Variants in SPTB observed in about 807,000 individuals in gnomAD.
SPTB encodes spectrin beta, erythrocytic.
A neutral mutation model predicts 256.2 loss-of-function variants in SPTB; 45 were observed. The ratio of observed to expected loss-of-function variants is 0.18; its 90% CI spans 0.14 to 0.23. The LOEUF (loss-of-function observed/expected upper bound fraction) is 0.23, where lower values mean the gene tolerates loss of function less well. Ranked by LOEUF, SPTB falls within the 10% of genes least tolerant of loss-of-function variation. The pLI, the probability that SPTB is intolerant of heterozygous loss-of-function variation, is 1.00. For missense variants in SPTB, 2,715 were observed against 3,040.4 expected (o/e 0.89, Z 2.52); for synonymous variants, 1,231 against 1,243.1 (o/e 0.99, Z 0.21).
intron 28 of SPTB, 67 bp from the exon 29 acceptor site, chr14:64,769,185 A>T: frequency 7.0e-7 from 1 of 1,433,152 alleles, no homozygotes; most frequent in Non-Finnish European, 9.8e-7. Flanking sequence ...CAGTGCGCAG[A>T]TGGGTCCTGC....
chr14:64,860,290 AG>A (rs943214992), intron 1 of SPTB, among the ~76,000 whole-genome samples: 57 of 152,348 alleles, frequency 3.7e-4, no homozygotes, highest in African/African-American at 1.3e-3. Context: ...TCATTGAATG[AG>A]CCCTTTTGTT....
Position 64,843,819 on chromosome 14 carries a change from T to C in SPTB, c.-51-20674A>G, listed in dbSNP as rs7155826. ...ACCGCCTGCTCTAAGCATTAGCCCA[T>C]GTGCCTTGCCCTGAACCATTCTGTG... On this transcript the variant is annotated intron_variant, in intron 1 of 35. Coordinates refer to ENST00000644917, the MANE Select transcript of SPTB (RefSeq NM_001355436.2). 6.3e-3 allele frequency among the ~76,000 whole-genome samples: 953 copies of C among 152,294 alleles called. 5 individuals carry two copies. The highest frequency in any genetic ancestry group is 0.048 in the Middle Eastern group (14 of 294).
At position 64,793,900 on chromosome 14, in the gene SPTB, G is replaced by C; in HGVS notation, c.1796-33C>G. 2 of 1,579,172 alleles carry C rather than the reference G, an allele frequency of 1.3e-6. No homozygotes were observed. Among genetic ancestry groups the C allele is most frequent in the Admixed American group, 1.7e-5 (1 of 58,106 alleles). On this transcript the variant is annotated intron_variant, in intron 13 of 35. Coordinates refer to ENST00000644917, the MANE Select transcript of SPTB (RefSeq NM_001355436.2). The surrounding 1 kb of genome is among the most constrained non-coding windows in gnomAD (Gnocchi z 7.0). Reference sequence around the variant, plus strand: ...AAATAGGGGGAAGGAGGACAAAGTGGGGGATGGGCTTCATTTATGGGCACG... The same window carrying C: ...AAATAGGGGGAAGGAGGACAAAGTGCGGGATGGGCTTCATTTATGGGCACG...
At chr14:64,766,550 C>T in intron 32 of SPTB, 176 bp downstream of exon 32, 1 of 1,544,294 alleles carries the variant, frequency 6.5e-7, no homozygotes, top group East Asian at 2.3e-5. Context: ...TCATGAAGAA[C>T]ACCTCAGTGA....
chr14:64,785,472 T>C lies in SPTB; in HGVS notation c.3855+65A>G, dbSNP rs1333999186. Reference sequence around the variant, plus strand: ...AAAGGATCCCTGTGGACTTCCTGCCTTGAGGGAACTCTGCTTCTAGAAAGG... The same window carrying C: ...AAAGGATCCCTGTGGACTTCCTGCCCTGAGGGAACTCTGCTTCTAGAAAGG... On this transcript the variant is annotated intron_variant, in intron 18 of 35. Coordinates refer to ENST00000644917, the MANE Select transcript of SPTB (RefSeq NM_001355436.2). This position sits in a 1 kb window ranked among gnomAD's most constrained non-coding sequence, Gnocchi z 4.4. The C allele has an allele frequency of 6.9e-7, 1 of 1,455,068 alleles. No individual in the cohort carries two copies. The highest frequency in any genetic ancestry group is 9.5e-7 in the Non-Finnish European group (1 of 1,055,804). 90.1% of individuals were successfully genotyped at this position (1,455,068 alleles called of 1,614,324 possible). A position where few individuals can be genotyped will look rare whatever the true frequency, so the allele number is the denominator to read the frequency against.
chr14:64,794,690 C>A (rs2082735655), intron 12 of SPTB, 73 bp from the exon 13 acceptor site: 7 of 1,586,918 alleles, frequency 4.4e-6, no homozygotes, highest in Non-Finnish European at 4.3e-6. Flanking sequence ...GAGACCCCTG[C>A]AAAGGGCATG....
At chr14:64,832,797 A>G (rs913350715) in intron 1 of SPTB, among the ~76,000 whole-genome samples, 3 of 151,428 alleles carry the variant, frequency 2.0e-5, no homozygotes, top group African/African-American at 7.3e-5. Flanking sequence ...TATCTCTCCA[A>G]TCTCTGTTCT....
In SPTB at chr14:64,775,853, C is replaced by T. The variant is rs1271653478; in HGVS notation, c.4564-450G>A. Among the ~76,000 whole-genome samples, 1 of 152,208 alleles carries T rather than the reference C, an allele frequency of 6.6e-6. No individual in the cohort carries two copies. The highest frequency in any genetic ancestry group is 1.5e-5 in the Non-Finnish European group (1 of 68,030). On this transcript the variant is annotated intron_variant, in intron 22 of 35. Transcript: ENST00000644917. This position sits in a 1 kb window ranked among gnomAD's most constrained non-coding sequence, Gnocchi z 5.0. Reference sequence around the variant, plus strand: ...GCAGGATCATTTACGCAGGATACGCCCAACCCAGCAGCTCAGGTGGGCACA... The same window carrying T: ...GCAGGATCATTTACGCAGGATACGCTCAACCCAGCAGCTCAGGTGGGCACA...
chr14:64,748,559 T>C lies in SPTB; in HGVS notation c.*747A>G, dbSNP rs1194935319. ...CCGCCTGTGGTGGCACAAAGGGTGC[T>C]AGAGGCACTCAGCCAGGCCCTGCCA... On this transcript the variant is annotated 3_prime_UTR_variant, in exon 36 of 36. Coordinates refer to ENST00000644917, the MANE Select transcript of SPTB (RefSeq NM_001355436.2). 1 of 152,538 alleles carries C rather than the reference T, an allele frequency of 6.6e-6. No individual in the cohort carries two copies. The highest frequency in any genetic ancestry group is 1.5e-5 in the Non-Finnish European group (1 of 68,294). 9.4% of individuals were successfully genotyped at this position (152,538 alleles called of 1,614,324 possible).
intron 1 of SPTB, among the ~76,000 whole-genome samples, chr14:64,832,439 G>C (rs1279209680): frequency 1.3e-5 from 2 of 152,096 alleles, no homozygotes; most frequent in African/African-American, 4.8e-5. Flanking sequence ...TCCTTGGCCT[G>C]TCTCTTAAAT....
At chr14:64,784,546 C>T (rs949810905) in intron 18 of SPTB, among the ~76,000 whole-genome samples, 153 bp from the exon 19 acceptor site, 2 of 152,198 alleles carry the variant, frequency 1.3e-5, no homozygotes, top group Admixed American at 1.3e-4. Context: ...TCCCTCTGTA[C>T]CAGCACAGGC....
chr14:64,875,205 G>A (rs1055212526), intron 1 of SPTB, among the ~76,000 whole-genome samples: 9 of 152,134 alleles, frequency 5.9e-5, no homozygotes, highest in Admixed American at 5.2e-4. Flanking sequence ...AATGAAAGGT[G>A]GTCTGGGAAT....
In SPTB at chr14:64,749,600, G is replaced by A. The variant is rs1230001336; in HGVS notation, c.6819+54C>T. 1.1e-5 allele frequency: 18 copies of A among 1,611,140 alleles called. No homozygotes were observed. The highest frequency in any genetic ancestry group is 2.2e-5 in the South Asian group (2 of 91,050). On this transcript the variant is annotated intron_variant, in intron 35 of 35. Coordinates refer to ENST00000644917, the MANE Select transcript of SPTB (RefSeq NM_001355436.2). This position sits in a 1 kb window ranked among gnomAD's most constrained non-coding sequence, Gnocchi z 4.7. ...GGGCCTCCAGGGCAAGCGGCCTGGG[G>A]TCCTCCACCTACCCCCTTCTTAGCC...
Position 64,779,823 on chromosome 14 carries a change from G to T in SPTB, c.4375C>A (p.Arg1459=), listed in dbSNP as rs780155773. 3 of 1,614,070 alleles carry T rather than the reference G, an allele frequency of 1.9e-6. No individual in the cohort carries two copies. The highest frequency in any genetic ancestry group is 1.3e-5 in the African/African-American group (1 of 75,004). The part of the protein sequence containing the change: ...GGDADLSIEK[R]FLDLLEPLGR... ...AGGGGTTCCAGGAGGTCCAGGAACC[G>T]CTTCTCGATGCTCAAGTCTGCATCT... The change falls in exon 21 of 36, where the codon CGG becomes AGG. Residue 1459 remains arginine, a synonymous_variant. Transcript: ENST00000644917. This position sits in a 1 kb window ranked among gnomAD's most constrained non-coding sequence, Gnocchi z 4.2.
intron 32 of SPTB, 197 bp downstream of exon 32, chr14:64,766,529 G>C: frequency 6.7e-7 from 1 of 1,501,512 alleles, no homozygotes; most frequent in Non-Finnish European, 8.9e-7. Context: ...GAGTGGAGGA[G>C]GCTAGTACTC....
chr14:64,812,265 A>G (rs767151390), intron 2 of SPTB, among the ~76,000 whole-genome samples: 12 of 152,164 alleles, frequency 7.9e-5, no homozygotes, highest in Non-Finnish European at 1.8e-4. Flanking sequence ...AAATATTAAC[A>G]TGTTTTTATT....
At chr14:64,838,580 G>A (rs937859754) in intron 1 of SPTB, among the ~76,000 whole-genome samples, 1 of 152,046 alleles carries the variant, frequency 6.6e-6, no homozygotes, top group Non-Finnish European at 1.5e-5. Flanking sequence ...CAAAAGATTT[G>A]TACAGACGCT....
intron 2 of SPTB, among the ~76,000 whole-genome samples, chr14:64,810,945 T>A (rs1376708283): frequency 2.0e-5 from 3 of 152,092 alleles, no homozygotes; most frequent in Non-Finnish European, 4.4e-5. Context: ...CAAGGTTGCA[T>A]CTCTACAAAA....
chr14:64,849,884 G>A (rs781324825), intron 1 of SPTB, among the ~76,000 whole-genome samples: 1 of 152,118 alleles, frequency 6.6e-6, no homozygotes, highest in Non-Finnish European at 1.5e-5. Flanking sequence ...ATCTTATGCC[G>A]CATGGGCTGT....
Sources: allele counts gnomAD v4.1 joint callset (sites outside exome capture counted in the v4.1 genomes callset), GRCh38; gene constraint gnomAD v4.1.1; non-coding constraint Gnocchi (gnomAD v3.1); transcripts MANE v1.5; gene names NCBI Gene and HGNC (gene_info 2026-07-23, HGNC 2026-07-21).